Variants in DIP2B observed in about 807,000 individuals in gnomAD.
DIP2B encodes the protein DIP2 acetate--CoA ligase B (putative).
Under a neutral mutation model 198.0 loss-of-function variants are expected in DIP2B, and 76 were observed. That is an observed-to-expected ratio of 0.38 (90% CI 0.32 to 0.46). DIP2B has a LOEUF of 0.46. DIP2B is among the 20% of genes least tolerant of loss of function. The pLI is 0.99. For synonymous variants in DIP2B, 701 were observed against 739.1 expected (o/e 0.95, Z 0.84); for missense variants, 1,559 against 1,978.4 (o/e 0.79, Z 4.02).
chr12:50,676,160 G>A (rs974577367), intron 7 of DIP2B, among the ~76,000 whole-genome samples: 6 of 152,206 alleles, frequency 3.9e-5, no homozygotes, highest in African/African-American at 1.4e-4. Context: ...AGGGGAATGA[G>A]TGTGAGTATG....
intron 1 of DIP2B, among the ~76,000 whole-genome samples, chr12:50,518,046 G>A (rs1958081379): frequency 6.6e-6 from 1 of 152,158 alleles, no homozygotes; most frequent in Admixed American, 6.5e-5. Flanking sequence ...GCTCCTATTA[G>A]CATAATGATG....
At chr12:50,693,725 C>G (rs1288631858) in intron 14 of DIP2B, among the ~76,000 whole-genome samples, 2 of 152,164 alleles carry the variant, frequency 1.3e-5, no homozygotes, top group African/African-American at 4.8e-5. Flanking sequence ...AATCTCTTCT[C>G]TGTGATACCA....
chr12:50,653,782 A>C (rs952776119), intron 3 of DIP2B, among the ~76,000 whole-genome samples: 6 of 152,160 alleles, frequency 3.9e-5, no homozygotes, highest in African/African-American at 1.4e-4. Context: ...TCTTTTCAAA[A>C]AAACAACTCA....
intron 27 of DIP2B, 145 bp downstream of exon 27, chr12:50,723,468 C>T: frequency 8.6e-7 from 1 of 1,156,558 alleles, no homozygotes; most frequent in South Asian, 1.6e-5. Context: ...TTAATCCAGC[C>T]AAAGCAGTCA....
intron 8 of DIP2B, chr12:50,679,655 G>A (rs896767559): frequency 6.6e-6 from 1 of 152,078 alleles, no homozygotes; most frequent in Non-Finnish European, 1.5e-5. Context: ...AGCATTTTTT[G>A]TTTGTTTTTG....
chr12:50,581,205 A>G (rs1411450096), intron 1 of DIP2B, among the ~76,000 whole-genome samples: 1 of 149,528 alleles, frequency 6.7e-6, no homozygotes, highest in African/African-American at 2.4e-5. Context: ...TTTCTGGCCC[A>G]ATTGAGACTT....
rs1268603040 is a variant in DIP2B at position 50,704,151 on chromosome 12, G to A, written c.2337G>A (p.Val779=). ...VTKNTFEVIP[V]NSAGSPVGDV... is the part of the protein sequence containing the mutation. ...ATTTTGTCTCTTAGGTAATTCCAGT[G>A]AATTCTGCAGGCTCTCCTGTTGGGG... Residue 779 remains valine (V), a synonymous_variant, in exon 20 of 38, where the codon GTG becomes GTA. Coordinates refer to ENST00000301180, the MANE Select transcript of DIP2B (RefSeq NM_173602.3). 6.2e-7 allele frequency: 1 copy of A among 1,608,232 alleles called. No individual in the cohort carries two copies. The highest frequency in any genetic ancestry group is 8.5e-7 in the Non-Finnish European group (1 of 1,178,970).
chr12:50,641,897 G>A (rs549577142), intron 3 of DIP2B, among the ~76,000 whole-genome samples: 1 of 152,194 alleles, frequency 6.6e-6, no homozygotes, highest in South Asian at 2.1e-4. Flanking sequence ...AGACTAATGG[G>A]GATATTATTT....
intron 1 of DIP2B, among the ~76,000 whole-genome samples, chr12:50,534,560 C>T (rs954686876): frequency 4.0e-5 from 6 of 151,648 alleles, no homozygotes; most frequent in Admixed American, 1.3e-4. Context: ...GATGGGGTTT[C>T]GCCATGTTGG....
At chr12:50,683,452 A>T (rs1473669015) in intron 10 of DIP2B, among the ~76,000 whole-genome samples, 2 of 152,178 alleles carry the variant, frequency 1.3e-5, no homozygotes, top group East Asian at 3.8e-4. Flanking sequence ...TTGTATTAAG[A>T]TAGAGTTTGT....
chr12:50,587,725 T>C (rs1958783188), intron 1 of DIP2B, among the ~76,000 whole-genome samples: 1 of 152,226 alleles, frequency 6.6e-6, no homozygotes, highest in African/African-American at 2.4e-5. Context: ...TTACAATTTG[T>C]TTTTGAAAGC....
chr12:50,582,618 T>C (rs892193097), intron 1 of DIP2B, among the ~76,000 whole-genome samples: 2 of 152,200 alleles, frequency 1.3e-5, no homozygotes, highest in African/African-American at 4.8e-5. Context: ...TTCAAACATA[T>C]ACCAGAGTAG....
At chr12:50,575,875 A>G (rs1383014477) in intron 1 of DIP2B, among the ~76,000 whole-genome samples, 1 of 151,952 alleles carries the variant, frequency 6.6e-6, no homozygotes, top group Non-Finnish European at 1.5e-5. Flanking sequence ...CTCCTGCCTC[A>G]GCCTCCTGGG....
At chr12:50,657,009 C>T (rs545457527) in intron 3 of DIP2B, 14 of 152,042 alleles carry the variant, frequency 9.2e-5, no homozygotes, top group East Asian at 7.7e-4. Flanking sequence ...AAAATTGGAA[C>T]GATACAGGGA....
chr12:50,579,164 TGA>T (rs1958691608), intron 1 of DIP2B, among the ~76,000 whole-genome samples: 1 of 152,044 alleles, frequency 6.6e-6, no homozygotes, highest in Non-Finnish European at 1.5e-5. Context: ...AAAGAATAAA[TGA>T]GAGATAAACT....
At chr12:50,543,009 A>C (rs1366918984) in intron 1 of DIP2B, among the ~76,000 whole-genome samples, 1 of 151,976 alleles carries the variant, frequency 6.6e-6, no homozygotes, top group Non-Finnish European at 1.5e-5. Flanking sequence ...CTGGGACTAC[A>C]GATGTGTGCC....
At chr12:50,702,761 A>G (rs1045672800) in intron 19 of DIP2B, among the ~76,000 whole-genome samples, 15 of 126,074 alleles carry the variant, frequency 1.2e-4, no homozygotes, top group Middle Eastern at 4.0e-3. Flanking sequence ...AAAAAAAAGG[A>G]GGGGTGGGGA....
intron 20 of DIP2B, among the ~76,000 whole-genome samples, chr12:50,705,542 C>G (rs1184500801): frequency 1.3e-5 from 2 of 152,344 alleles, no homozygotes; most frequent in East Asian, 3.9e-4. Context: ...CTGAACTAGT[C>G]CTGCAGCCAC....
intron 18 of DIP2B, among the ~76,000 whole-genome samples, chr12:50,698,726 TG>T (rs1020086195): frequency 3.3e-5 from 5 of 152,238 alleles, no homozygotes; most frequent in African/African-American, 1.2e-4. Flanking sequence ...TAAAGTTACC[TG>T]GTTTTCACTG....
Sources: allele counts gnomAD v4.1 joint callset (sites outside exome capture counted in the v4.1 genomes callset), GRCh38; gene constraint gnomAD v4.1.1; transcripts MANE v1.5; gene names NCBI Gene and HGNC (gene_info 2026-07-23, HGNC 2026-07-21).